FGD4: variants seen among roughly 807,000 people sequenced by gnomAD.
FGD4 encodes the protein FYVE, RhoGEF and PH domain containing 4.
In FGD4, 42 loss-of-function variants were observed where a neutral mutation model predicts 102.0. The observed-to-expected ratio is 0.41, with a 90% confidence interval of 0.32 to 0.53. The LOEUF is 0.53. Among genes scored for constraint, FGD4 ranks in the 20% least tolerant of loss-of-function variants. The pLI, the probability that FGD4 is intolerant of heterozygous loss-of-function variation, is 0.21. For synonymous variants in FGD4, 380 were observed against 375.7 expected (o/e 1.01, Z -0.13); for missense variants, 902 against 1,078.2 (o/e 0.84, Z 2.29).
chr12:32,626,515 A>G (rs921010426), intron 14 of FGD4, among the ~76,000 whole-genome samples: 1 of 151,940 alleles, frequency 6.6e-6, no homozygotes, highest in Non-Finnish European at 1.5e-5. Context: ...AAAACTTCAG[A>G]CAGTGAAAGT....
intron 2 of FGD4, among the ~76,000 whole-genome samples, chr12:32,568,270 G>A (rs1051302400): frequency 6.6e-6 from 1 of 152,188 alleles, no homozygotes; most frequent in African/African-American, 2.4e-5. Context: ...GGATAAACTT[G>A]CATTTGGATC....
chr12:32,619,489 G>A lies in FGD4; in HGVS notation c.1750-209G>A, dbSNP rs977310241. Among the ~76,000 whole-genome samples the A allele has an allele frequency of 7.2e-5, 11 of 151,916 alleles. No individual in the cohort carries two copies. The East Asian group carries it at 7.7e-4, about 11-fold the overall frequency. ...TAAAAATACAAAAAAAAAATTAGCCGGACGTGGTGGCGGGTGCCTGTAGTC... is the reference window on the plus strand; with the variant it reads ...TAAAAATACAAAAAAAAAATTAGCCAGACGTGGTGGCGGGTGCCTGTAGTC... On this transcript the variant is annotated intron_variant, in intron 10 of 16. Transcript: ENST00000534526.
intron 1 of FGD4, chr12:32,557,100 G>A (rs1944182204): frequency 6.6e-6 from 1 of 152,128 alleles, no homozygotes. Context: ...TGATCTGCCC[G>A]CCTCACCCTC....
chr12:32,422,298 T>TC lies in FGD4; in HGVS notation c.166+22339_166+22340insC, dbSNP rs1208830290. 2.9e-5 allele frequency among the ~76,000 whole-genome samples: 3 copies of TC among 104,508 alleles called. 1 individual carries two copies. In the East Asian group the frequency reaches 7.5e-4, roughly 26 times the overall value. The allele number at this position is 104,508 out of a possible 152,430, so 68.6% of individuals were successfully genotyped here. On this transcript the variant is annotated intron_variant, in intron 1 of 16. Transcript: ENST00000534526. The stretch of plus-strand genomic sequence containing the variant: ...TCAAATTGGGAGCTGCTTTTTTTTT[T>TC]TTTTTTTTTTTTTTTTTTGAGACAG...
chr12:32,475,063 A>G (rs7979525), intron 1 of FGD4, among the ~76,000 whole-genome samples: 56,760 of 152,104 alleles, frequency 0.37, 11,494 homozygotes, highest in South Asian at 0.51. Flanking sequence ...TCACTGGTGC[A>G]TAGCATTTCT....
intron 1 of FGD4, among the ~76,000 whole-genome samples, chr12:32,410,940 T>C (rs74792900): frequency 0.075 from 11,223 of 148,970 alleles, 723 homozygotes; most frequent in East Asian, 0.17. Flanking sequence ...TCTTTTTTTT[T>C]TTTTTTTTGA....
At chr12:32,430,954 A>G (rs755987050) in intron 1 of FGD4, among the ~76,000 whole-genome samples, 1 of 152,226 alleles carries the variant, frequency 6.6e-6, no homozygotes, top group African/African-American at 2.4e-5. Context: ...GGAAACTGCC[A>G]ATGATGGTAG....
intron 1 of FGD4, among the ~76,000 whole-genome samples, chr12:32,536,560 GT>G (rs1166379222): frequency 6.6e-6 from 1 of 152,136 alleles, no homozygotes; most frequent in African/African-American, 2.4e-5. Context: ...CTTCACCCTG[GT>G]TTGTGTGTGT....
chr12:32,480,628 G>T (rs1341137453), intron 1 of FGD4, among the ~76,000 whole-genome samples: 1 of 151,500 alleles, frequency 6.6e-6, no homozygotes, highest in African/African-American at 2.4e-5. Flanking sequence ...AGCCTTCCGA[G>T]TAGCTGGGAT....
intron 11 of FGD4, among the ~76,000 whole-genome samples, chr12:32,622,976 G>A (rs2133543): frequency 0.12 from 18,850 of 152,120 alleles, 1,318 homozygotes; most frequent in Middle Eastern, 0.2. Flanking sequence ...CAAAAAGTGG[G>A]TATATATTTG....
At chr12:32,541,829 T>G (rs2136134156) in intron 1 of FGD4, among the ~76,000 whole-genome samples, 1 of 152,346 alleles carries the variant, frequency 6.6e-6, no homozygotes, top group Admixed American at 6.5e-5. Flanking sequence ...CTAAGAGATG[T>G]CAGTAGAGCA....
Position 32,440,688 on chromosome 12 carries a change from G to A in FGD4, c.166+40729G>A, listed in dbSNP as rs963329375. Among the ~76,000 whole-genome samples, 12 of 152,174 alleles carry A rather than the reference G, an allele frequency of 7.9e-5. No individual in the cohort carries two copies. In the East Asian group the frequency reaches 1.2e-3, roughly 15 times the overall value. The stretch of plus-strand genomic sequence containing the variant: ...TACTTCCTGGCTGCTGCCTATGTTC[G>A]CTCAAGGCCCTGGGTCTCTGCAGTT... On this transcript the variant is annotated intron_variant, in intron 1 of 16. Transcript: ENST00000534526.
chr12:32,462,702 A>G (rs996973295), intron 1 of FGD4, among the ~76,000 whole-genome samples: 8 of 152,154 alleles, frequency 5.3e-5, no homozygotes, highest in Non-Finnish European at 8.8e-5. Flanking sequence ...CAGGCTGGCA[A>G]TATCCAAGGG....
intron 1 of FGD4, among the ~76,000 whole-genome samples, chr12:32,523,956 C>T (rs529030336): frequency 2.0e-5 from 3 of 152,110 alleles, no homozygotes; most frequent in South Asian, 2.1e-4. Flanking sequence ...CCAGCCTGGG[C>T]GACAGAGCAA....
chr12:32,479,645 T>G (rs1022236882), intron 1 of FGD4, among the ~76,000 whole-genome samples: 4 of 150,470 alleles, frequency 2.7e-5, no homozygotes, highest in Admixed American at 2.0e-4. Flanking sequence ...CCTCTAAAGA[T>G]TTTTTCATAC....
At chr12:32,564,114 C>T in intron 1 of FGD4, 23 bp from the exon 2 acceptor site, 1 of 1,532,004 alleles carries the variant, frequency 6.5e-7, no homozygotes, top group Non-Finnish European at 8.7e-7. Flanking sequence ...ACTTACCTGC[C>T]CTTTCTTTCT....
intron 2 of FGD4, among the ~76,000 whole-genome samples, chr12:32,569,957 G>T (rs1447776468): frequency 6.6e-6 from 1 of 151,936 alleles, no homozygotes; most frequent in Non-Finnish European, 1.5e-5. Flanking sequence ...TAAAATTCTG[G>T]TCAAGCTGGG....
chr12:32,497,996 GCCAGCAT>G (rs1363878160), intron 1 of FGD4, among the ~76,000 whole-genome samples: 1 of 152,100 alleles, frequency 6.6e-6, no homozygotes, highest in Non-Finnish European at 1.5e-5. Flanking sequence ...GATGCTCTAA[GCCAGCAT>G]CCTCCTTTTG....
rs188104446 is a variant in FGD4 at position 32,625,677 on chromosome 12, C to G, written c.2070C>G (p.Ala690=). The G allele has an allele frequency of 4.6e-4, 746 of 1,613,582 alleles. 7 individuals carry two copies. In the East Asian group the frequency reaches 0.012, roughly 25 times the overall value. ...AGACTGCTGAGCTAGGGAAAAGAGC[C>G]CCAAGATGGATCCGAGATAATGAAG... ...EVSTAELGKR[A]PRWIRDNEVT... is the part of the protein sequence containing the mutation. The change falls in exon 14 of 17, where the codon GCC becomes GCG. Residue 690 remains alanine (A), a synonymous_variant. Transcript: ENST00000534526.
Sources: gnomAD v4.1 joint callset for allele counts (sites outside exome capture counted in the v4.1 genomes callset) on GRCh38, gnomAD v4.1.1 for gene constraint, MANE v1.5 for transcripts, NCBI Gene and HGNC (gene_info 2026-07-23, HGNC 2026-07-21) for gene names.